The following SMARCAL1 variants were observed in gnomAD, a reference collection of about 807,000 sequenced individuals.
SMARCAL1 encodes SNF2 related chromatin remodeling annealing helicase 1.
Under a neutral mutation model 94.5 loss-of-function variants are expected in SMARCAL1, and 58 were observed. That is an observed-to-expected ratio of 0.61 (90% CI 0.50 to 0.76). The LOEUF is 0.76. Among genes scored for constraint, SMARCAL1 ranks in the 30% least tolerant of loss-of-function variants. The probability of loss-of-function intolerance (pLI) is 0.00; values close to 1 mark genes in which losing one functional copy is unlikely to be tolerated. For missense variants in SMARCAL1, 1,051 were observed against 1,177.9 expected (o/e 0.89, Z 1.58); for synonymous variants, 422 against 455.1 (o/e 0.93, Z 0.93).
rs1348651004 is a variant in SMARCAL1 at position 216,475,265 on chromosome 2, G to A, written c.2245-4G>A. 6.2e-7 allele frequency: 1 copy of A among 1,614,082 alleles called. No individual in the cohort carries two copies. Among genetic ancestry groups the A allele is most frequent in the Non-Finnish European group, 8.5e-7 (1 of 1,180,016 alleles). ...CACCTTGCTTCTGCCCCTTGTTCCT[G>A]CAGCACGTGCAGCACATCCGCATCG... On this transcript the variant is annotated splice_region_variant and splice_polypyrimidine_tract_variant and intron_variant, in intron 14 of 17. Transcript: ENST00000357276. This position sits in a 1 kb window ranked among gnomAD's most constrained non-coding sequence, Gnocchi z 4.4.
chr2:216,415,342 G>T lies in SMARCAL1; in HGVS notation c.638G>T (p.Ser213Ile), dbSNP rs754228770. The change falls in exon 3 of 18, where the codon AGT becomes ATT. Residue 213 changes from serine (S) to isoleucine (I), a missense_variant. Physicochemically the swap from Ser to Ile is moderately radical, Grantham distance 142 (BLOSUM62 -2). Transcript: ENST00000357276. ...TCTTACATCCATTCTAGCTCAGAGA[G>T]TGTAACGCCCAGGACAGAAGGAAGA... Reference protein sequence around the residue: ...NISYIHSSSESVTPRTEGRLQ... With the variant: ...NISYIHSSSEIVTPRTEGRLQ... The T allele has an allele frequency of 1.9e-6, 3 of 1,614,260 alleles. No individual in the cohort carries two copies. Among genetic ancestry groups the T allele is most frequent in the African/African-American group, 2.7e-5 (2 of 75,076 alleles).
chr2:216,449,129 A>G (rs1574466844), intron 11 of SMARCAL1, among the ~76,000 whole-genome samples: 1 of 152,250 alleles, frequency 6.6e-6, no homozygotes, highest in African/African-American at 2.4e-5. Flanking sequence ...GCAAGAGCAT[A>G]TGTGTCAGCT....
rs1574444322 is a variant in SMARCAL1, at chr2:216,415,940, G to A, written c.812-317G>A. On this transcript the variant is annotated intron_variant, in intron 3 of 17. Coordinates refer to ENST00000357276, the MANE Select transcript of SMARCAL1 (RefSeq NM_014140.4). Reference sequence around the variant, plus strand: ...ATGTGACTAGCTCAATTACAGGCCAGAGCCATTACTCCTCATACTGCTTTG... The same window carrying A: ...ATGTGACTAGCTCAATTACAGGCCAAAGCCATTACTCCTCATACTGCTTTG... 7.1e-6 allele frequency: 3 copies of A among 419,862 alleles called. No individual in the cohort carries two copies. In the East Asian group the frequency reaches 1.6e-4, roughly 22 times the overall value. The allele number at this position is 419,862 out of a possible 1,614,324, so 26.0% of individuals were successfully genotyped here.
Position 216,452,553 on chromosome 2 carries a change from G to A in SMARCAL1, c.2070+1489G>A, listed in dbSNP as rs3821100. On this transcript the variant is annotated intron_variant, in intron 12 of 17. Transcript: ENST00000357276. Reference sequence around the variant, plus strand: ...ATGGAAGTAAGTCTGTTAGTGTTTCGTGAGATTCCCCAGAGAACACCCTCA... The same window carrying A: ...ATGGAAGTAAGTCTGTTAGTGTTTCATGAGATTCCCCAGAGAACACCCTCA... Among the ~76,000 whole-genome samples, 1,182 of 150,312 alleles carry A rather than the reference G, an allele frequency of 7.9e-3. 62 individuals carry two copies. Among genetic ancestry groups the A allele is most frequent in the Admixed American group, 0.069 (1,057 of 15,214 alleles).
At chr2:216,414,347 G>C (rs1029181344) in intron 2 of SMARCAL1, 9 of 289,834 alleles carry the variant, frequency 3.1e-5, no homozygotes, top group Admixed American at 5.0e-5. Context: ...AGTAGAGATG[G>C]GGTTTCACCA....
intron 12 of SMARCAL1, among the ~76,000 whole-genome samples, chr2:216,460,726 A>G (rs1395896010): frequency 6.6e-6 from 1 of 150,628 alleles, no homozygotes; most frequent in Non-Finnish European, 1.5e-5. Flanking sequence ...TAGGAGATAT[A>G]CCTAATGTAA....
At chr2:216,481,184 A>ATATTTATT (rs138505181) in intron 17 of SMARCAL1, among the ~76,000 whole-genome samples, 3 of 151,722 alleles carry the variant, frequency 2.0e-5, no homozygotes, top group Non-Finnish European at 2.9e-5. Context: ...TTGATTTTTT[A>ATATTTATT]TATTTATTTA....
intron 11 of SMARCAL1, among the ~76,000 whole-genome samples, chr2:216,449,615 G>A (rs1181427789): frequency 2.6e-5 from 4 of 152,100 alleles, no homozygotes; most frequent in African/African-American, 9.7e-5. Flanking sequence ...AGGTTTATGA[G>A]ACACCTATTC....
Position 216,423,635 on chromosome 2 carries a change from G to C in SMARCAL1, c.1099G>C (p.Val367Leu). 6.2e-7 allele frequency: 1 copy of C among 1,613,782 alleles called. No individual in the cohort carries two copies. The highest frequency in any genetic ancestry group is 1.1e-5 in the South Asian group (1 of 91,076). ...FKQMDSRRYD[V>L]KTRKWSFLLE... Reference sequence around the variant, plus strand: ...TTATTTATTTCTTGTCATTGCAGATGTCAAGACCAGGAAGTGGAGCTTTCT... The same window carrying C: ...TTATTTATTTCTTGTCATTGCAGATCTCAAGACCAGGAAGTGGAGCTTTCT... Residue 367 changes from valine to leucine, a missense_variant and splice_region_variant, in exon 6 of 18, where the codon GTC (valine) becomes CTC (leucine). This residue lies in a region of SMARCAL1 where 642 missense variants were observed against 754.7 expected (regional missense o/e 0.85). Transcript: ENST00000357276.
chr2:216,479,853 C>T (rs758812665), intron 17 of SMARCAL1, among the ~76,000 whole-genome samples: 7 of 152,086 alleles, frequency 4.6e-5, no homozygotes, highest in Non-Finnish European at 7.4e-5. Context: ...GAGTTTGAGA[C>T]CAGCCTGGGC....
chr2:216,452,661 A>G (rs1237020234), intron 12 of SMARCAL1, among the ~76,000 whole-genome samples: 3 of 152,206 alleles, frequency 2.0e-5, no homozygotes, highest in African/African-American at 7.2e-5. Context: ...CATTTGAATT[A>G]AGGAGGAAAA....
chr2:216,465,953 C>T (rs2106074776), intron 13 of SMARCAL1, among the ~76,000 whole-genome samples: 1 of 152,310 alleles, frequency 6.6e-6, no homozygotes, highest in East Asian at 1.9e-4. Context: ...TGCTGGCCTC[C>T]TCCCCTTCAC....
chr2:216,416,171 C>G, intron 3 of SMARCAL1, 86 bp from the exon 4 acceptor site: 1 of 1,169,200 alleles, frequency 8.6e-7, no homozygotes, highest in Non-Finnish European at 1.3e-6. Flanking sequence ...ACTTGGCGTC[C>G]TTCATTCATT....
intron 8 of SMARCAL1, among the ~76,000 whole-genome samples, chr2:216,433,456 A>T (rs1364753211): frequency 1.3e-5 from 2 of 152,134 alleles, no homozygotes; most frequent in Non-Finnish European, 2.9e-5. Context: ...TAGGTACAAT[A>T]GATAGTAACC....
chr2:216,466,091 T>G (rs1694823879), intron 13 of SMARCAL1, among the ~76,000 whole-genome samples: 1 of 152,122 alleles, frequency 6.6e-6, no homozygotes, highest in South Asian at 2.1e-4. Context: ...TCATGTGCTG[T>G]GGAATAACAG....
chr2:216,471,783 C>T (rs1027058745), intron 14 of SMARCAL1, among the ~76,000 whole-genome samples: 1 of 152,134 alleles, frequency 6.6e-6, no homozygotes, highest in African/African-American at 2.4e-5. Flanking sequence ...TCAGACTAGT[C>T]AGATTTATAA....
intron 8 of SMARCAL1, among the ~76,000 whole-genome samples, chr2:216,434,264 C>T (rs1451364175): frequency 1.3e-5 from 2 of 152,134 alleles, no homozygotes; most frequent in African/African-American, 4.8e-5. Context: ...TGAACAGTGT[C>T]ACCCCATGTG....
chr2:216,414,161 G>C (rs961926014), intron 2 of SMARCAL1: 1 of 151,380 alleles, frequency 6.6e-6, no homozygotes, highest in South Asian at 2.1e-4. Flanking sequence ...TTTGCTTTTT[G>C]CTTTTTTTTT....
intron 13 of SMARCAL1, among the ~76,000 whole-genome samples, chr2:216,465,486 T>C (rs1031731466): frequency 3.3e-5 from 5 of 152,272 alleles, no homozygotes; most frequent in African/African-American, 1.2e-4. Flanking sequence ...TGTCAAAGTT[T>C]GTTCAAAAGA....
Sources: gnomAD v4.1 joint callset for allele counts (sites outside exome capture counted in the v4.1 genomes callset) on GRCh38, gnomAD v4.1.1 for gene constraint, gnomAD v4.1.1 regional missense constraint, Gnocchi (gnomAD v3.1) non-coding constraint, MANE v1.5 for transcripts, NCBI Gene and HGNC (gene_info 2026-07-23, HGNC 2026-07-21) for gene names.